ANO10: variants seen among roughly 807,000 people sequenced by gnomAD.
ANO10 encodes anoctamin 10.
Under a neutral mutation model 74.7 loss-of-function variants are expected in ANO10, and 77 were observed. The ratio of observed to expected loss-of-function variants is 1.03; its 90% CI spans 0.86 to 1.25. The LOEUF (loss-of-function observed/expected upper bound fraction) is 1.25. Among genes scored for constraint, ANO10 ranks in the 50% most tolerant of loss-of-function variants. The pLI is 0.00. For synonymous variants in ANO10, 279 were observed against 284.9 expected (o/e 0.98, Z 0.21); for missense variants, 721 against 778.1 (o/e 0.93, Z 0.87).
intron 4 of ANO10, among the ~76,000 whole-genome samples, chr3:43,586,970 T>C (rs1044100669): frequency 6.6e-6 from 1 of 152,120 alleles, no homozygotes; most frequent in Non-Finnish European, 1.5e-5. Flanking sequence ...AGAGCCCACA[T>C]ATATAAAATT....
chr3:43,631,585 T>C (rs2149559090), intron 1 of ANO10, among the ~76,000 whole-genome samples: 1 of 152,202 alleles, frequency 6.6e-6, no homozygotes, highest in East Asian at 1.9e-4. Context: ...TAGTGCTTTT[T>C]TTTTCTTTCT....
intron 11 of ANO10, among the ~76,000 whole-genome samples, chr3:43,461,234 G>C (rs1362452389): frequency 2.0e-5 from 3 of 152,074 alleles, no homozygotes; most frequent in African/African-American, 7.2e-5. Context: ...AGAAAATAAT[G>C]TGAACAACTT....
intron 10 of ANO10, chr3:43,551,683 T>C (rs968944774): frequency 1.8e-5 from 7 of 391,576 alleles, no homozygotes; most frequent in Non-Finnish European, 3.6e-5. Context: ...ACTTTTATCA[T>C]CATAGAATGG....
At chr3:43,493,620 A>T (rs930160129) in intron 11 of ANO10, among the ~76,000 whole-genome samples, 9 of 152,236 alleles carry the variant, frequency 5.9e-5, no homozygotes, top group Non-Finnish European at 1.0e-4. Context: ...AAAAAAACAT[A>T]AAGGTTAAAA....
intron 1 of ANO10, among the ~76,000 whole-genome samples, chr3:43,660,270 C>A (rs1455424200): frequency 6.6e-6 from 1 of 152,022 alleles, no homozygotes; most frequent in Non-Finnish European, 1.5e-5. Flanking sequence ...CAGAAGTAGG[C>A]TTCAGAAGGT....
chr3:43,567,789 A>C (rs1449104544), intron 7 of ANO10, among the ~76,000 whole-genome samples: 5 of 152,190 alleles, frequency 3.3e-5, no homozygotes, highest in South Asian at 2.1e-4. Flanking sequence ...CGAGCAAACT[A>C]ACCAGCTAAC....
At chr3:43,489,547 A>G (rs1228697912) in intron 11 of ANO10, among the ~76,000 whole-genome samples, 2 of 152,048 alleles carry the variant, frequency 1.3e-5, no homozygotes, top group Non-Finnish European at 2.9e-5. Context: ...GCCAAGGGGA[A>G]AGCTCTCCCT....
intron 12 of ANO10, among the ~76,000 whole-genome samples, chr3:43,400,353 C>A (rs753384090): frequency 2.0e-5 from 3 of 151,808 alleles, no homozygotes; most frequent in Non-Finnish European, 2.9e-5. Flanking sequence ...GACAAATCAG[C>A]AGGCCATCCA....
chr3:43,367,055 G>T, intron 12 of ANO10, 81 bp from the exon 13 acceptor site: 1 of 1,390,350 alleles, frequency 7.2e-7, no homozygotes, highest in Non-Finnish European at 1.0e-6. Context: ...TGGAAGCCTG[G>T]CCAGCGGCTT....
intron 12 of ANO10, among the ~76,000 whole-genome samples, chr3:43,423,329 T>G (rs2092848677): frequency 6.6e-6 from 1 of 152,170 alleles, no homozygotes; most frequent in African/African-American, 2.4e-5. Flanking sequence ...TATTGGCTTG[T>G]GAATTACATG....
At chr3:43,653,828 C>T (rs1328704738) in intron 1 of ANO10, among the ~76,000 whole-genome samples, 14 of 152,148 alleles carry the variant, frequency 9.2e-5, no homozygotes, top group Admixed American at 9.2e-4. Flanking sequence ...CTGAGCCCCT[C>T]TATCCCTTCG....
rs1169573394 is a variant in ANO10 at position 43,605,748 on chromosome 3, C to T, written c.105G>A (p.Leu35=). 1 of 1,613,508 alleles carries T rather than the reference C, an allele frequency of 6.2e-7. No homozygotes were observed. Among genetic ancestry groups the T allele is most frequent in the Non-Finnish European group, 8.5e-7 (1 of 1,179,710 alleles). The part of the protein sequence containing the change: ...QDVKEETKEW[L]KNRIIAKKKD... ...TTTTTTTAGCTATAATTCTGTTTTT[C>T]AGCCATTCTTTGGTTTCTTCTTTGA... Residue 35 remains leucine (L), a synonymous_variant, in exon 2 of 13, where the codon CTG becomes CTA. Coordinates refer to ENST00000292246, the MANE Select transcript of ANO10 (RefSeq NM_018075.5).
At chr3:43,368,143 T>G (rs902068839) in intron 12 of ANO10, among the ~76,000 whole-genome samples, 1 of 152,256 alleles carries the variant, frequency 6.6e-6, no homozygotes, top group African/African-American at 2.4e-5. Context: ...CGGCTCATGA[T>G]GGCTCCTGGA....
intron 11 of ANO10, among the ~76,000 whole-genome samples, chr3:43,527,315 A>T (rs2078249151): frequency 6.6e-6 from 1 of 152,170 alleles, no homozygotes; most frequent in African/African-American, 2.4e-5. Context: ...TTTGTAATGA[A>T]CTAGGTATAA....
chr3:43,533,823 T>C (rs1387505151), intron 11 of ANO10, among the ~76,000 whole-genome samples: 1 of 152,238 alleles, frequency 6.6e-6, no homozygotes, highest in African/African-American at 2.4e-5. Flanking sequence ...CAAAGTTCAA[T>C]AGCATCAGAG....
At chr3:43,592,488 G>T (rs1457937615) in intron 4 of ANO10, among the ~76,000 whole-genome samples, 5 of 152,230 alleles carry the variant, frequency 3.3e-5, no homozygotes, top group African/African-American at 1.2e-4. Context: ...GGCAAACAGG[G>T]TCTGGAGTGG....
At chr3:43,401,330 A>C (rs2092477308) in intron 12 of ANO10, among the ~76,000 whole-genome samples, 1 of 152,146 alleles carries the variant, frequency 6.6e-6, no homozygotes. Context: ...AAAATAAACA[A>C]CTCAAAAATT....
At chr3:43,564,313 T>C (rs1184709748) in intron 8 of ANO10, among the ~76,000 whole-genome samples, 1 of 151,964 alleles carries the variant, frequency 6.6e-6, no homozygotes, top group East Asian at 1.9e-4. Flanking sequence ...GGATTACAGG[T>C]ATGAGCCATT....
chr3:43,376,164 T>G (rs1481549011), intron 12 of ANO10, among the ~76,000 whole-genome samples: 3 of 152,292 alleles, frequency 2.0e-5, no homozygotes, highest in Admixed American at 6.5e-5. Flanking sequence ...TGCAGTTTAC[T>G]AAACACATAA....
Sources: allele counts gnomAD v4.1 joint callset (sites outside exome capture counted in the v4.1 genomes callset), GRCh38; gene constraint gnomAD v4.1.1; transcripts MANE v1.5; gene names NCBI Gene and HGNC (gene_info 2026-07-23, HGNC 2026-07-21).